SORCS1: variants seen among roughly 807,000 people sequenced by gnomAD.
The protein encoded by SORCS1 is VPS10 domain-containing receptor SorCS1.
In SORCS1, 60 loss-of-function variants were observed where a neutral mutation model predicts 146.1. That is an observed-to-expected ratio of 0.41 (90% CI 0.33 to 0.51). The LOEUF is 0.51. Among genes scored for constraint, SORCS1 ranks in the 20% least tolerant of loss-of-function variants. The pLI, the probability that SORCS1 is intolerant of heterozygous loss-of-function variation, is 0.21. For synonymous variants in SORCS1, 637 were observed against 584.0 expected (o/e 1.09, Z -1.31); for missense variants, 1,352 against 1,487.6 (o/e 0.91, Z 1.50).
chr10:106,764,037 C>G (rs977572705), intron 4 of SORCS1, among the ~76,000 whole-genome samples: 2 of 152,136 alleles, frequency 1.3e-5, no homozygotes, highest in African/African-American at 4.8e-5. Flanking sequence ...ACAGGTTTCA[C>G]AATTGGTGTA....
intron 1 of SORCS1, among the ~76,000 whole-genome samples, chr10:106,974,085 T>C (rs751106234): frequency 9.2e-5 from 14 of 152,242 alleles, no homozygotes; most frequent in Non-Finnish European, 2.1e-4. Context: ...CTACATTTGA[T>C]GTTATGACTA....
chr10:106,771,504 T>A (rs541200925), intron 4 of SORCS1, among the ~76,000 whole-genome samples: 1 of 152,252 alleles, frequency 6.6e-6, no homozygotes, highest in Non-Finnish European at 1.5e-5. Flanking sequence ...CTTTCTCTTA[T>A]CTGCTCAGTT....
At chr10:106,879,356 C>A (rs757550393) in intron 2 of SORCS1, among the ~76,000 whole-genome samples, 1 of 152,090 alleles carries the variant, frequency 6.6e-6, no homozygotes, top group Non-Finnish European at 1.5e-5. Context: ...CATTTTTAAT[C>A]CATTCAGTTA....
intron 1 of SORCS1, among the ~76,000 whole-genome samples, chr10:106,993,590 C>T (rs1441326545): frequency 1.3e-5 from 2 of 152,112 alleles, no homozygotes; most frequent in African/African-American, 4.8e-5. Flanking sequence ...GTATTTTATT[C>T]ATTCTGTAAC....
At chr10:106,924,254 CAA>C (rs750347755) in intron 2 of SORCS1, among the ~76,000 whole-genome samples, 809 of 68,168 alleles carry the variant, frequency 0.012, 7 homozygotes, top group African/African-American at 0.03. Flanking sequence ...AACTCCATCT[CAA>C]AAAAAAAAAA....
intron 1 of SORCS1, among the ~76,000 whole-genome samples, chr10:106,998,139 C>T (rs928822167): frequency 1.3e-5 from 2 of 152,220 alleles, no homozygotes; most frequent in African/African-American, 2.4e-5. Flanking sequence ...CTAATACATA[C>T]ATTCACATGT....
At chr10:106,971,834 CAG>C (rs1564872434) in intron 1 of SORCS1, among the ~76,000 whole-genome samples, 1 of 152,110 alleles carries the variant, frequency 6.6e-6, no homozygotes, top group African/African-American at 2.4e-5. Context: ...TAACAGGGTG[CAG>C]ATTTTGAATC....
intron 2 of SORCS1, among the ~76,000 whole-genome samples, chr10:106,900,965 T>C (rs1038591218): frequency 6.6e-6 from 1 of 152,222 alleles, no homozygotes; most frequent in African/African-American, 2.4e-5. Context: ...TGTGTGTGTG[T>C]GTGCTTTTTT....
intron 19 of SORCS1, among the ~76,000 whole-genome samples, chr10:106,621,233 T>C (rs1847723300): frequency 6.6e-6 from 1 of 152,124 alleles, no homozygotes; most frequent in African/African-American, 2.4e-5. Flanking sequence ...ACTGGAAACC[T>C]TAATTAGATG....
intron 2 of SORCS1, among the ~76,000 whole-genome samples, chr10:106,948,389 T>C (rs1954479276): frequency 6.6e-6 from 1 of 152,064 alleles, no homozygotes; most frequent in African/African-American, 2.4e-5. Flanking sequence ...AAAATAAATG[T>C]AGGCAGGGTA....
intron 2 of SORCS1, among the ~76,000 whole-genome samples, chr10:106,855,964 A>G (rs1400019850): frequency 6.6e-6 from 1 of 152,084 alleles, no homozygotes. Flanking sequence ...GGTAAAAGGA[A>G]CCATAGTCAA....
rs2992988 is a variant in SORCS1, at chr10:107,164,633, C to T, written c.-107G>A. On this transcript the variant is annotated 5_prime_UTR_variant, in exon 1 of 26. Coordinates refer to ENST00000263054, the MANE Select transcript of SORCS1 (RefSeq NM_052918.5). The surrounding 1 kb of genome is among the most constrained non-coding windows in gnomAD (Gnocchi z 6.8). ...CGGCGCTCAGGACCCCAACTCCATC[C>T]AAGTTGCGCCGCGGTGGGGGCGGGC... 2.6e-3 allele frequency: 2,383 copies of T among 934,254 alleles called. 41 individuals carry two copies. In the African/African-American group the frequency reaches 0.037, roughly 15 times the overall value. The allele number at this position is 934,254 out of a possible 1,614,324, so 57.9% of individuals were successfully genotyped here.
At chr10:106,719,260 T>C (rs1273005594) in intron 6 of SORCS1, among the ~76,000 whole-genome samples, 1 of 152,202 alleles carries the variant, frequency 6.6e-6, no homozygotes, top group Non-Finnish European at 1.5e-5. Context: ...TTCCAGTTTC[T>C]TCTCCAGGTG....
intron 1 of SORCS1, among the ~76,000 whole-genome samples, chr10:107,152,365 A>T (rs1968880940): frequency 6.6e-6 from 1 of 152,204 alleles, no homozygotes; most frequent in Non-Finnish European, 1.5e-5. Flanking sequence ...CCCATGGGGC[A>T]CTGTCTAGTG....
At chr10:106,768,967 G>C (rs1859781998) in intron 4 of SORCS1, among the ~76,000 whole-genome samples, 1 of 152,222 alleles carries the variant, frequency 6.6e-6, no homozygotes, top group African/African-American at 2.4e-5. Flanking sequence ...TAAACGACCT[G>C]TTGAAGGTCA....
At chr10:106,773,399 C>A (rs1424878802) in intron 4 of SORCS1, among the ~76,000 whole-genome samples, 1 of 152,136 alleles carries the variant, frequency 6.6e-6, no homozygotes, top group Non-Finnish European at 1.5e-5. Flanking sequence ...GGCCACAGAC[C>A]CTCTCAACTT....
At chr10:106,848,891 T>C (rs1202582649) in intron 2 of SORCS1, among the ~76,000 whole-genome samples, 1 of 148,800 alleles carries the variant, frequency 6.7e-6, no homozygotes, top group African/African-American at 2.5e-5. Flanking sequence ...AATTCTTTTC[T>C]TTAAGTATGT....
At chr10:107,050,803 G>C (rs972581578) in intron 1 of SORCS1, among the ~76,000 whole-genome samples, 4 of 152,118 alleles carry the variant, frequency 2.6e-5, no homozygotes, top group Non-Finnish European at 5.9e-5. Flanking sequence ...AGGCTAGAGA[G>C]TGAAGCTCTC....
At chr10:106,909,152 G>A (rs1335540611) in intron 2 of SORCS1, among the ~76,000 whole-genome samples, 1 of 152,154 alleles carries the variant, frequency 6.6e-6, no homozygotes, top group East Asian at 1.9e-4. Context: ...GTTTGGGAGA[G>A]AGGTTCTGAC....
Sources: allele counts gnomAD v4.1 joint callset (sites outside exome capture counted in the v4.1 genomes callset), GRCh38; gene constraint gnomAD v4.1.1; non-coding constraint Gnocchi (gnomAD v3.1); transcripts MANE v1.5; gene names NCBI Gene and HGNC (gene_info 2026-07-23, HGNC 2026-07-21).